LIN54: variants seen among roughly 807,000 people sequenced by gnomAD.
LIN54 encodes lin-54 DREAM MuvB core complex component.
LIN54 carries 9 observed loss-of-function variants against 78.7 expected under a neutral mutation model. The observed-to-expected ratio is 0.11, with a 90% CI of 0.07 to 0.20. LIN54 has a LOEUF of 0.20. Ranked by LOEUF, LIN54 falls within the 10% of genes least tolerant of loss-of-function variation. LIN54 has a pLI of 1.00. For missense variants in LIN54, 573 were observed against 889.9 expected (o/e 0.64, Z 4.53); for synonymous variants, 269 against 318.4 (o/e 0.84, Z 1.65).
chr4:83,004,398 C>CAAAA (rs34722830), intron 1 of LIN54, among the ~76,000 whole-genome samples: 8 of 100,884 alleles, frequency 7.9e-5, no homozygotes, highest in South Asian at 3.3e-4. Context: ...GACTCCGTTG[C>CAAAA]AAAAAAAAAA....
Position 83,003,075 on chromosome 4 carries a change from G to A in LIN54, c.-33+7409C>T, listed in dbSNP as rs554264588. Among the ~76,000 whole-genome samples the A allele has an allele frequency of 6.1e-4, 93 of 152,204 alleles. 1 individual carries two copies. The highest frequency in any genetic ancestry group is 3.1e-4 in the Non-Finnish European group (21 of 68,008). On this transcript the variant is annotated intron_variant, in intron 1 of 12. Coordinates refer to ENST00000340417, the MANE Select transcript of LIN54 (RefSeq NM_194282.4). ...GTCACCCAGGTTGGAGTGCAGTGGCGTGATCTCCACTCACTGCAACCTCCG... is the reference window on the plus strand; with the variant it reads ...GTCACCCAGGTTGGAGTGCAGTGGCATGATCTCCACTCACTGCAACCTCCG...
intron 4 of LIN54, among the ~76,000 whole-genome samples, chr4:82,947,229 A>ATTTTTTT (rs1263368630): frequency 4.8e-5 from 1 of 20,646 alleles, no homozygotes; most frequent in Non-Finnish European, 9.7e-5. Flanking sequence ...ATATATATAT[A>ATTTTTTT]TATATATTTT....
chr4:82,948,053 T>C (rs2126046918), intron 4 of LIN54, among the ~76,000 whole-genome samples: 1 of 152,188 alleles, frequency 6.6e-6, no homozygotes, highest in South Asian at 2.1e-4. Context: ...ACAGCAGCCA[T>C]ACCAGTGAAT....
chr4:82,964,058 T>A (rs1017108340), intron 4 of LIN54, among the ~76,000 whole-genome samples: 2 of 34,948 alleles, frequency 5.7e-5, no homozygotes, highest in African/African-American at 7.9e-4. Context: ...CCTCCCTCCT[T>A]TTTTTTTTTT....
intron 4 of LIN54, among the ~76,000 whole-genome samples, chr4:82,956,571 C>T (rs1419095641): frequency 1.3e-5 from 2 of 151,966 alleles, no homozygotes; most frequent in Non-Finnish European, 2.9e-5. Flanking sequence ...GCTGTGATCG[C>T]ACCACTGCAC....
chr4:82,977,636 T>C (rs1166491975), intron 3 of LIN54, among the ~76,000 whole-genome samples: 1 of 152,242 alleles, frequency 6.6e-6, no homozygotes, highest in African/African-American at 2.4e-5. Flanking sequence ...CGCTATGTTG[T>C]AAATTTATTA....
rs1721620943 is a variant in LIN54 at position 82,927,965 on chromosome 4, CT to C, written c.*136del. The C allele has an allele frequency of 1.5e-6, 1 of 686,914 alleles. No individual in the cohort carries two copies. Among genetic ancestry groups the C allele is most frequent in the African/African-American group, 1.8e-5 (1 of 55,452 alleles). 42.6% of individuals were successfully genotyped at this position (686,914 alleles called of 1,614,324 possible). A position where few individuals can be genotyped will look rare whatever the true frequency, so the allele number is the denominator to read the frequency against. ...ATTTCCTCATTTAAAATTTCTTCTC[CT>C]TCAGTATTATAATTTCAGGTCTTTT... On this transcript the variant is annotated 3_prime_UTR_variant, in exon 13 of 13. Coordinates refer to ENST00000340417, the MANE Select transcript of LIN54 (RefSeq NM_194282.4).
chr4:82,966,533 GAAAA>G (rs540995511), intron 4 of LIN54, among the ~76,000 whole-genome samples: 1 of 150,544 alleles, frequency 6.6e-6, no homozygotes, highest in South Asian at 2.1e-4. Context: ...AGTGAGGGGG[GAAAA>G]AAAACCAACA....
intron 3 of LIN54, among the ~76,000 whole-genome samples, chr4:82,977,408 C>T (rs1726252799): frequency 6.6e-6 from 1 of 152,158 alleles, no homozygotes; most frequent in African/African-American, 2.4e-5. Context: ...TGACATCTCT[C>T]AAGACATCAG....
chr4:82,956,247 G>GA (rs1724321724), intron 4 of LIN54, among the ~76,000 whole-genome samples: 1 of 150,986 alleles, frequency 6.6e-6, no homozygotes, highest in South Asian at 2.1e-4. Context: ...CACCATGCCC[G>GA]ACCTATATTT....
At chr4:82,953,217 G>C (rs746111449) in intron 4 of LIN54, among the ~76,000 whole-genome samples, 1 of 152,090 alleles carries the variant, frequency 6.6e-6, no homozygotes, top group Non-Finnish European at 1.5e-5. Context: ...TTGAACTCGT[G>C]GGCTCAAGCA....
intron 4 of LIN54, among the ~76,000 whole-genome samples, chr4:82,968,428 T>C (rs573386748): frequency 1.2e-4 from 19 of 152,164 alleles, no homozygotes; most frequent in African/African-American, 4.3e-4. Context: ...AATTAGTCCA[T>C]AGGGCTACCA....
intron 1 of LIN54, among the ~76,000 whole-genome samples, chr4:83,008,301 T>C (rs1729567055): frequency 6.6e-6 from 1 of 152,170 alleles, no homozygotes; most frequent in Non-Finnish European, 1.5e-5. Flanking sequence ...TTTTATCCAC[T>C]ATCCCTAGCA....
chr4:83,001,155 G>A, intron 1 of LIN54, among the ~76,000 whole-genome samples: 1 of 152,134 alleles, frequency 6.6e-6, no homozygotes, highest in Non-Finnish European at 1.5e-5. Flanking sequence ...ACTGTGTCTA[G>A]ACATTGTGCA....
chr4:82,929,260 T>C (rs1721747020), intron 12 of LIN54, among the ~76,000 whole-genome samples: 4 of 152,224 alleles, frequency 2.6e-5, no homozygotes, highest in African/African-American at 9.6e-5. Flanking sequence ...AAGTTTTTAA[T>C]ATGTAATTTT....
chr4:82,949,393 T>C (rs1018944666), intron 4 of LIN54, among the ~76,000 whole-genome samples: 5 of 151,576 alleles, frequency 3.3e-5, no homozygotes, highest in African/African-American at 1.2e-4. Flanking sequence ...GTTCTTTTGT[T>C]GTTGTTGTTG....
At chr4:83,002,624 G>A (rs952552865) in intron 1 of LIN54, among the ~76,000 whole-genome samples, 2 of 152,050 alleles carry the variant, frequency 1.3e-5, no homozygotes, top group African/African-American at 4.8e-5. Flanking sequence ...AAGACCTACC[G>A]CTGCTCTTCC....
At chr4:82,998,038 A>G (rs1189503130) in intron 1 of LIN54, among the ~76,000 whole-genome samples, 6 of 31,090 alleles carry the variant, frequency 1.9e-4, no homozygotes, top group African/African-American at 5.1e-4. Context: ...ATATATATAT[A>G]CACACACGTA....
chr4:82,988,776 T>C (rs972876792), intron 1 of LIN54, among the ~76,000 whole-genome samples: 1 of 152,218 alleles, frequency 6.6e-6, no homozygotes, highest in Non-Finnish European at 1.5e-5. Flanking sequence ...TGATATCTCA[T>C]TGTGTTTTTA....
Sources: gnomAD v4.1 joint callset for allele counts (sites outside exome capture counted in the v4.1 genomes callset) on GRCh38, gnomAD v4.1.1 for gene constraint, MANE v1.5 for transcripts, NCBI Gene and HGNC (gene_info 2026-07-23, HGNC 2026-07-21) for gene names.